Variants in OVCH1 observed in about 807,000 individuals in gnomAD.
The protein encoded by OVCH1 is ovochymase 1.
Under a neutral mutation model 138.4 loss-of-function variants are expected in OVCH1, and 139 were observed. That is an observed-to-expected ratio of 1.00 (90% CI 0.87 to 1.16). The LOEUF is 1.16. Ranked by LOEUF, OVCH1 falls within the 50% of genes most tolerant of loss-of-function variation. The pLI is 0.00. For missense variants in OVCH1, 1,367 were observed against 1,357.9 expected (o/e 1.01, Z -0.11); for synonymous variants, 453 against 467.8 (o/e 0.97, Z 0.41).
At position 29,455,325 on chromosome 12, in the gene OVCH1, G is replaced by A. The variant is rs1304167258; in HGVS notation, c.2361C>T (p.Gly787=). 6 of 1,613,682 alleles carry A rather than the reference G, an allele frequency of 3.7e-6. No individual in the cohort carries two copies. The South Asian group carries it at 6.6e-5, about 18-fold the overall frequency. Residue 787 remains glycine (G), a synonymous_variant, in exon 20 of 28, where the codon GGC becomes GGT. Transcript: ENST00000318184. ...CACCCGGCTTCCATGGCTGGACACA[G>A]CCAGCTCCCCAGCTGACAATGCCAT...
intron 19 of OVCH1, among the ~76,000 whole-genome samples, chr12:29,458,545 A>G (rs1448616343): frequency 6.6e-6 from 1 of 152,164 alleles, no homozygotes; most frequent in East Asian, 1.9e-4. Context: ...AAAATTAATA[A>G]AAAACAACAT....
intron 22 of OVCH1, among the ~76,000 whole-genome samples, chr12:29,449,639 T>G (rs1941722807): frequency 6.6e-6 from 1 of 152,160 alleles, no homozygotes; most frequent in Non-Finnish European, 1.5e-5. Flanking sequence ...GAATGGGAGT[T>G]CACTCATGAT....
chr12:29,496,336 A>G, intron 2 of OVCH1, 58 bp from the exon 3 acceptor site: 1 of 1,382,946 alleles, frequency 7.2e-7, no homozygotes, highest in Non-Finnish European at 1.0e-6. Context: ...ATGTATCTCC[A>G]TCGGAAACAC....
chr12:29,464,904 C>T (rs1156477306), intron 17 of OVCH1, among the ~76,000 whole-genome samples: 1 of 152,110 alleles, frequency 6.6e-6, no homozygotes, highest in African/African-American at 2.4e-5. Flanking sequence ...AAAGGTGGTG[C>T]TGGAGAAATA....
At chr12:29,481,514 C>A (rs1425490974) in intron 8 of OVCH1, among the ~76,000 whole-genome samples, 2 of 152,184 alleles carry the variant, frequency 1.3e-5, no homozygotes, top group Non-Finnish European at 2.9e-5. Flanking sequence ...ATTAAAATCT[C>A]ATGTGATAAC....
chr12:29,476,193 G>T lies in OVCH1; in HGVS notation c.1471+13C>A. 6.3e-7 allele frequency: 1 copy of T among 1,597,622 alleles called. No individual in the cohort carries two copies. Among genetic ancestry groups the T allele is most frequent in the Non-Finnish European group, 8.6e-7 (1 of 1,165,098 alleles). On this transcript the variant is annotated intron_variant, in intron 13 of 27. Transcript: ENST00000318184. ...TCTAACACTTTCATATTTAAAGGGT[G>T]AAGTCTACCTACCTAACTTGTGCTT...
chr12:29,440,052 A>G (rs1941446741), intron 25 of OVCH1, among the ~76,000 whole-genome samples: 1 of 152,168 alleles, frequency 6.6e-6, no homozygotes, highest in African/African-American at 2.4e-5. Flanking sequence ...TTACATAGAC[A>G]TGATCAATCA....
At chr12:29,475,180 C>G (rs930998880) in exon 14 of OVCH1, 2 of 1,473,414 alleles carry the variant, frequency 1.4e-6, no homozygotes, top group African/African-American at 2.9e-5. Flanking sequence ...CAACATTCCA[C>G]AAAGTTTAGC....
intron 4 of OVCH1, among the ~76,000 whole-genome samples, chr12:29,493,375 A>G (rs1249413937): frequency 1.3e-5 from 2 of 152,144 alleles, no homozygotes; most frequent in African/African-American, 4.8e-5. Context: ...GTCTAGATAT[A>G]TAATTATTTT....
intron 24 of OVCH1, 90 bp downstream of exon 24, chr12:29,444,055 A>G: frequency 1.4e-6 from 2 of 1,390,836 alleles, no homozygotes; most frequent in Admixed American, 2.5e-5. Flanking sequence ...AAGGTGAAGA[A>G]TAATGTTTTA....
chr12:29,435,376 T>C (rs888241859), intron 26 of OVCH1, among the ~76,000 whole-genome samples: 1 of 151,176 alleles, frequency 6.6e-6, no homozygotes, highest in Admixed American at 6.6e-5. Flanking sequence ...TAAAAACCAC[T>C]TTTTTTTTGA....
chr12:29,491,849 T>A (rs955018122), intron 4 of OVCH1, among the ~76,000 whole-genome samples: 6 of 152,198 alleles, frequency 3.9e-5, no homozygotes, highest in African/African-American at 1.4e-4. Flanking sequence ...GTTCTTGATT[T>A]CTCAACAGCA....
intron 8 of OVCH1, among the ~76,000 whole-genome samples, chr12:29,484,448 C>A (rs1456382811): frequency 3.3e-5 from 5 of 152,094 alleles, no homozygotes; most frequent in African/African-American, 1.2e-4. Context: ...CAAAAAATAT[C>A]AGATAAAATA....
chr12:29,480,938 C>T (rs1386453284), intron 8 of OVCH1, among the ~76,000 whole-genome samples: 38 of 152,138 alleles, frequency 2.5e-4, no homozygotes, highest in Admixed American at 2.5e-3. Flanking sequence ...TTTGCACATT[C>T]TAAAATTAGA....
chr12:29,449,627 G>A (rs191449090), intron 22 of OVCH1, among the ~76,000 whole-genome samples: 1 of 152,056 alleles, frequency 6.6e-6, no homozygotes, highest in Non-Finnish European at 1.5e-5. Context: ...TATAGCAATT[G>A]TGAATGGGAG....
chr12:29,436,876 T>C (rs1427824127), intron 26 of OVCH1, among the ~76,000 whole-genome samples: 1 of 152,198 alleles, frequency 6.6e-6, no homozygotes, highest in Non-Finnish European at 1.5e-5. Flanking sequence ...AGATTTATTG[T>C]GAAGAGCGAA....
chr12:29,472,268 A>G (rs777171492), intron 15 of OVCH1, among the ~76,000 whole-genome samples: 34 of 152,196 alleles, frequency 2.2e-4, no homozygotes, highest in Non-Finnish European at 3.8e-4. Context: ...GACATTGGTG[A>G]TATATTATTG....
At position 29,477,485 on chromosome 12, in the gene OVCH1, A is replaced by G. The variant is rs776982625; in HGVS notation, c.1114-12T>C. ...ATTTTTCCACAGACCTTACCTTAAAAGAAGAGAAGGAAAGTGAAATAACAT... is the reference window on the plus strand; with the variant it reads ...ATTTTTCCACAGACCTTACCTTAAAGGAAGAGAAGGAAAGTGAAATAACAT... On this transcript the variant is annotated splice_polypyrimidine_tract_variant and intron_variant, in intron 10 of 27. Coordinates refer to ENST00000318184, the Ensembl canonical transcript of OVCH1. 18 of 1,613,976 alleles carry G rather than the reference A, an allele frequency of 1.1e-5. No homozygotes were observed. Among genetic ancestry groups the G allele is most frequent in the Admixed American group, 5.0e-5 (3 of 59,966 alleles).
downstream of OVCH1, among the ~76,000 whole-genome samples, chr12:29,412,066 T>G (rs557114723): frequency 1.3e-3 from 199 of 152,132 alleles, 1 homozygote; most frequent in Middle Eastern, 6.8e-3. Context: ...CAGACTGCTG[T>G]GCTAGCAATC....
Sources: allele counts gnomAD v4.1 joint callset (sites outside exome capture counted in the v4.1 genomes callset), GRCh38; gene constraint gnomAD v4.1.1; transcripts MANE v1.5; gene names NCBI Gene and HGNC (gene_info 2026-07-23, HGNC 2026-07-21).